The following KDM3A variants were observed in gnomAD, a reference collection of about 807,000 sequenced individuals.
KDM3A encodes the protein lysine-specific demethylase 3A.
KDM3A carries 60 observed loss-of-function variants against 158.0 expected under a neutral mutation model. The ratio of observed to expected loss-of-function variants is 0.38; its 90% CI spans 0.31 to 0.47. The LOEUF is 0.47. Among genes scored for constraint, KDM3A ranks in the 20% least tolerant of loss-of-function variants. The probability of loss-of-function intolerance (pLI) is 0.99; values close to 1 mark genes in which losing one functional copy is unlikely to be tolerated. For missense variants in KDM3A, 1,319 were observed against 1,574.3 expected, an observed-to-expected ratio of 0.84 and a Z score of 2.74; for synonymous variants, 608 against 549.3, an observed-to-expected ratio of 1.11 and a Z score of -1.49.
chr2:86,442,393 G>T (rs1320398520), intron 2 of KDM3A, 160 bp downstream of exon 2: 2 of 685,990 alleles, frequency 2.9e-6, no homozygotes, highest in Non-Finnish European at 4.8e-6. Context: ...TGGAATGGTT[G>T]TATAGAGCCG....
In KDM3A at chr2:86,491,411, A is replaced by G. The variant is rs185357628; in HGVS notation, c.3885+136A>G. 9.5e-5 allele frequency: 75 copies of G among 788,010 alleles called. 1 individual carries two copies. The East Asian group carries it at 1.1e-3, about 12-fold the overall frequency. 48.8% of individuals were successfully genotyped at this position (788,010 alleles called of 1,614,324 possible). ...CAGTGAGTCGAGGAACTTGCTTTAT[A>G]TCTAGTACTACTATCTACTTAAGTG... On this transcript the variant is annotated intron_variant, in intron 25 of 25. Coordinates refer to ENST00000312912, the MANE Select transcript of KDM3A (RefSeq NM_018433.6).
chr2:86,462,782 T>C (rs964113882), intron 8 of KDM3A, among the ~76,000 whole-genome samples: 1 of 152,122 alleles, frequency 6.6e-6, no homozygotes, highest in Admixed American at 6.6e-5. Context: ...ATAAATATAT[T>C]CGAAATTGTC....
intron 10 of KDM3A, 84 bp downstream of exon 10, chr2:86,466,967 G>A (rs1673183581): frequency 9.6e-6 from 11 of 1,146,362 alleles, no homozygotes; most frequent in Admixed American, 2.6e-5. Flanking sequence ...GAGAAACTAT[G>A]TGAAAATGAC....
At position 86,466,851 on chromosome 2, in the gene KDM3A, G is replaced by A. The variant is rs148699286; in HGVS notation, c.1487G>A (p.Cys496Tyr). The change falls in exon 10 of 26, where the codon TGT (cysteine) becomes TAT (tyrosine). Residue 496 changes from cysteine (C) to tyrosine (Y), a missense_variant. Transcript: ENST00000312912. ...TCAGTAAAAGTAGATAATGAAAGCT[G>A]TTGTTCAAGAAGCAACAATAAAATC... The part of the protein sequence containing the change: ...ESSVKVDNES[C>Y]CSRSNNKIQN... The A allele has an allele frequency of 1.0e-3, 1,664 of 1,607,998 alleles. 3 individuals carry two copies. Among genetic ancestry groups the A allele is most frequent in the Non-Finnish European group, 1.2e-3 (1,363 of 1,177,598 alleles).
At chr2:86,468,156 C>T (rs1483843746) in intron 10 of KDM3A, among the ~76,000 whole-genome samples, 1 of 152,240 alleles carries the variant, frequency 6.6e-6, no homozygotes, top group Non-Finnish European at 1.5e-5. Context: ...CTGGATTTGA[C>T]TTGCGAATCT....
In KDM3A at chr2:86,457,372, C is replaced by G. The variant is rs552485400; in HGVS notation, c.843+301C>G. Among the ~76,000 whole-genome samples the G allele has an allele frequency of 1.5e-4, 23 of 151,902 alleles. 1 individual carries two copies. Among genetic ancestry groups the G allele is most frequent in the Non-Finnish European group, 2.5e-4 (17 of 67,966 alleles). ...CTGGTCTTGAATTCCTGGGCTCAAG[C>G]GATCCTCCCGCCTCAGCTTCCCAAA... is the stretch of plus-strand genomic sequence containing the variant. On this transcript the variant is annotated intron_variant, in intron 8 of 25. Transcript: ENST00000312912.
In KDM3A at chr2:86,478,631, G is replaced by C; in HGVS notation, c.2212G>C (p.Val738Leu). 6.2e-7 allele frequency: 1 copy of C among 1,614,062 alleles called. No homozygotes were observed. The highest frequency in any genetic ancestry group is 8.5e-7 in the Non-Finnish European group (1 of 1,179,934). ...AGCACTCTATGATGTTGGAGACATT[G>C]TTCATTCTGTAAGAGCGAAATGGGG... ...GKALYDVGDI[V>L]HSVRAKWGIK... Residue 738 changes from valine (V) to leucine (L), a missense_variant, in exon 15 of 26, where the codon GTT becomes CTT. Physicochemically the swap from Val to Leu is conservative, Grantham distance 32. Around this residue, in one of 4 missense-constraint regions of KDM3A, gnomAD observed 368 missense variants for 415.8 expected, o/e 0.89. Transcript: ENST00000312912.
chr2:86,477,635 G>T (rs1369338055), intron 12 of KDM3A, among the ~76,000 whole-genome samples: 1 of 152,062 alleles, frequency 6.6e-6, no homozygotes, highest in African/African-American at 2.4e-5. Flanking sequence ...AGGGAGGTGA[G>T]ACTGTGCCTG....
At chr2:86,489,272 A>T (rs745339165) in intron 21 of KDM3A, 46 bp from the exon 22 acceptor site, 6 of 1,593,538 alleles carry the variant, frequency 3.8e-6, no homozygotes, top group Non-Finnish European at 5.1e-6. Context: ...AGACTGTGGC[A>T]GCCTTTGTTG....
chr2:86,463,747 C>T (rs190315309), intron 8 of KDM3A, among the ~76,000 whole-genome samples: 26 of 152,304 alleles, frequency 1.7e-4, no homozygotes, highest in Admixed American at 1.7e-3. Flanking sequence ...TTCACCTCTG[C>T]GTTGCATTAG....
Position 86,492,255 on chromosome 2 carries a change from G to A in KDM3A, c.*136G>A. ...AACTTGTGAGGGTACTCTGTCTAAT[G>A]TATATTTCTAGTGTTTACAGACAGT... is the stretch of plus-strand genomic sequence containing the variant. On this transcript the variant is annotated 3_prime_UTR_variant, in exon 26 of 26. Transcript: ENST00000312912. The A allele has an allele frequency of 1.5e-6, 1 of 646,644 alleles. No individual in the cohort carries two copies. Among genetic ancestry groups the A allele is most frequent in the East Asian group, 2.8e-5 (1 of 36,334 alleles). The allele number at this position is 646,644 out of a possible 1,614,324, so 40.1% of individuals were successfully genotyped here.
intron 10 of KDM3A, among the ~76,000 whole-genome samples, chr2:86,468,802 G>A (rs1393541086): frequency 6.6e-6 from 1 of 152,098 alleles, no homozygotes; most frequent in African/African-American, 2.4e-5. Flanking sequence ...CCTCGGAAGT[G>A]GGCGTTGCAT....
Position 86,456,610 on chromosome 2 carries a change from T to C in KDM3A, c.681+44T>C. The stretch of plus-strand genomic sequence containing the variant: ...CTTTGTAAGATAACTCGACAAAGCA[T>C]GATAACTATACAAAGCATTTATGAT... On this transcript the variant is annotated intron_variant, in intron 6 of 25. Transcript: ENST00000312912. 5 of 1,561,210 alleles carry C rather than the reference T, an allele frequency of 3.2e-6. No individual in the cohort carries two copies. The South Asian group carries it at 4.6e-5, about 14-fold the overall frequency.
intron 8 of KDM3A, chr2:86,460,855 G>A (rs914304581): frequency 6.6e-6 from 1 of 150,512 alleles, no homozygotes; most frequent in Non-Finnish European, 1.5e-5. Context: ...TTGACCCTTT[G>A]TTGAGTCAGA....
intron 2 of KDM3A, among the ~76,000 whole-genome samples, chr2:86,446,113 T>A (rs1558602460): frequency 1.3e-5 from 2 of 152,184 alleles, no homozygotes; most frequent in Non-Finnish European, 2.9e-5. Context: ...TCAGAAAGAT[T>A]TTCTGTTGGG....
upstream of KDM3A, among the ~76,000 whole-genome samples, chr2:86,437,472 A>G (rs1243518762): frequency 6.6e-6 from 1 of 152,152 alleles, no homozygotes; most frequent in Non-Finnish European, 1.5e-5. Context: ...TAATCAATAG[A>G]CCTCAAAGCA....
chr2:86,438,042 A>G (rs1178489715), upstream of KDM3A, among the ~76,000 whole-genome samples: 1 of 152,140 alleles, frequency 6.6e-6, no homozygotes, highest in Non-Finnish European at 1.5e-5. Context: ...GGGCATCCTT[A>G]TCTTGCTCCT....
In KDM3A at chr2:86,470,207, C is replaced by T. The variant is rs1214157670; in HGVS notation, c.1523C>T (p.Pro508Leu). 4 of 1,613,690 alleles carry T rather than the reference C, an allele frequency of 2.5e-6. No homozygotes were observed. The highest frequency in any genetic ancestry group is 3.4e-6 in the Non-Finnish European group (4 of 1,179,868). The change falls in exon 11 of 26, where the codon CCA becomes CTA. Residue 508 changes from proline to leucine, a missense_variant. Transcript: ENST00000312912. ...SRSNNKIQNA[P>L]SRKSVLTDPA... Reference sequence around the variant, plus strand: ...CCTTAATCTTTTGTTTTCCTAGCCCCATCCAGGAAGTCGGTTTTGACAGAC... The same window carrying T: ...CCTTAATCTTTTGTTTTCCTAGCCCTATCCAGGAAGTCGGTTTTGACAGAC...
At chr2:86,491,904 A>G (rs1674474685) in intron 25 of KDM3A, 135 bp from the exon 26 acceptor site, 2 of 634,954 alleles carry the variant, frequency 3.1e-6, no homozygotes, top group Non-Finnish European at 5.5e-6. Context: ...ACCTTTTGCA[A>G]TGTTGACATT....
Sources: allele counts gnomAD v4.1 joint callset (sites outside exome capture counted in the v4.1 genomes callset), GRCh38; gene constraint gnomAD v4.1.1; regional missense constraint gnomAD v4.1.1; transcripts MANE v1.5; gene names NCBI Gene and HGNC (gene_info 2026-07-23, HGNC 2026-07-21).